RIGI: variants seen among roughly 807,000 people sequenced by gnomAD.
RIGI encodes RNA sensor RIG-I.
At chr9:32,488,261 G>A in the RIGI span, 3 of 1,552,386 alleles carry the variant, frequency 1.9e-6, no homozygotes, top group Non-Finnish European at 2.6e-6. Flanking sequence ...GAACCACAAA[G>A]ATGAAATGCT....
At chr9:32,460,525 A>C in the RIGI span, among the ~76,000 whole-genome samples, 2 of 152,250 alleles carry the variant, frequency 1.3e-5, no homozygotes, top group Non-Finnish European at 2.9e-5. Context: ...CTGAGAAGAG[A>C]AAGATTTTAA....
At chr9:32,468,186 AG>A in the RIGI span, among the ~76,000 whole-genome samples, 1 of 152,232 alleles carries the variant, frequency 6.6e-6, no homozygotes, top group African/African-American at 2.4e-5. Context: ...GGGACTTACT[AG>A]TTGTATGGCT....
At chr9:32,459,962 T>A in the RIGI span, among the ~76,000 whole-genome samples, 20 of 151,692 alleles carry the variant, frequency 1.3e-4, no homozygotes, top group South Asian at 2.1e-3. Flanking sequence ...GGCTGTGTCC[T>A]CACCCAAATC....
the RIGI span, chr9:32,459,375 A>C: frequency 6.2e-7 from 1 of 1,612,914 alleles, no homozygotes; most frequent in South Asian, 1.1e-5. Context: ...GCTTACCTCT[A>C]TCACTCTTAC....
At chr9:32,491,474 G>C in the RIGI span, 286 of 1,438,080 alleles carry the variant, frequency 2.0e-4, 3 homozygotes, top group African/African-American at 3.7e-3. Flanking sequence ...TTATAGTTTT[G>C]ATGGTGAAAG....
the RIGI span, among the ~76,000 whole-genome samples, chr9:32,512,547 T>G: frequency 6.6e-6 from 1 of 152,124 alleles, no homozygotes; most frequent in African/African-American, 2.4e-5. Context: ...CTCAATAAAC[T>G]AGGTATTGAT....
chr9:32,496,720 T>A, the RIGI span, among the ~76,000 whole-genome samples: 2 of 152,216 alleles, frequency 1.3e-5, no homozygotes, highest in Non-Finnish European at 2.9e-5. Context: ...CACATAAATA[T>A]ATCCTATTGC....
chr9:32,461,588 C>T, the RIGI span, among the ~76,000 whole-genome samples: 1 of 152,190 alleles, frequency 6.6e-6, no homozygotes, highest in Non-Finnish European at 1.5e-5. Flanking sequence ...GCTTCACGGA[C>T]TGTCAGGAGA....
chr9:32,494,983 C>T, the RIGI span, among the ~76,000 whole-genome samples: 3 of 152,260 alleles, frequency 2.0e-5, no homozygotes, highest in East Asian at 5.8e-4. Flanking sequence ...CTACTATCAA[C>T]ATGGATGTGC....
chr9:32,521,815 A>G, the RIGI span, among the ~76,000 whole-genome samples: 398 of 152,236 alleles, frequency 2.6e-3, 3 homozygotes, highest in African/African-American at 9.4e-3. Context: ...GTCAGTAATG[A>G]TGATTATTAT....
the RIGI span, among the ~76,000 whole-genome samples, chr9:32,497,360 C>T: frequency 0.013 from 1,939 of 152,182 alleles, 35 homozygotes; most frequent in African/African-American, 0.04. Flanking sequence ...TATAGACATG[C>T]GACTAATTTT....
At chr9:32,473,226 T>C in the RIGI span, among the ~76,000 whole-genome samples, 1 of 151,616 alleles carries the variant, frequency 6.6e-6, no homozygotes, top group Admixed American at 6.6e-5. Flanking sequence ...TTGAACTCTA[T>C]GTAATAATTA....
At chr9:32,487,565 G>A in the RIGI span, 9 of 1,614,154 alleles carry the variant, frequency 5.6e-6, no homozygotes, top group South Asian at 7.7e-5. Context: ...ACAGCTTGCA[G>A]ATATAATCCA....
the RIGI span, among the ~76,000 whole-genome samples, chr9:32,478,863 TTTATG>T: frequency 6.6e-6 from 1 of 152,184 alleles, no homozygotes; most frequent in Admixed American, 6.5e-5. Flanking sequence ...CCCGGCTTAA[TTTATG>T]TTGAGAGTTT....
the RIGI span, among the ~76,000 whole-genome samples, chr9:32,502,481 A>G: frequency 6.6e-6 from 1 of 152,254 alleles, no homozygotes; most frequent in African/African-American, 2.4e-5. Context: ...CAGTAATCTA[A>G]GAGGATTCCA....
At chr9:32,491,011 T>A in the RIGI span, among the ~76,000 whole-genome samples, 1 of 152,156 alleles carries the variant, frequency 6.6e-6, no homozygotes, top group Non-Finnish European at 1.5e-5. Flanking sequence ...GACATTGGGT[T>A]TTGGTGAAGA....
chr9:32,505,110 C>A, the RIGI span, among the ~76,000 whole-genome samples: 2 of 144,930 alleles, frequency 1.4e-5, no homozygotes, highest in South Asian at 4.2e-4. Context: ...ATATATGTCA[C>A]AATTAAAGTT....
chr9:32,522,276 C>T, the RIGI span, among the ~76,000 whole-genome samples: 1 of 152,132 alleles, frequency 6.6e-6, no homozygotes, highest in Non-Finnish European at 1.5e-5. Flanking sequence ...TTTAAGAATA[C>T]AGTATATTAA....
chr9:32,503,878 C>T, the RIGI span, among the ~76,000 whole-genome samples: 1 of 152,046 alleles, frequency 6.6e-6, no homozygotes, highest in African/African-American at 2.4e-5. Context: ...CCCGTCTCTA[C>T]TAAAAATACA....
Sources: gnomAD v4.1 joint callset for allele counts (sites outside exome capture counted in the v4.1 genomes callset) on GRCh38, gnomAD v4.1.1 for gene constraint, MANE v1.5 for transcripts, NCBI Gene and HGNC (gene_info 2026-07-23, HGNC 2026-07-21) for gene names.